COMMD2: variants seen among roughly 807,000 people sequenced by gnomAD.
The protein encoded by COMMD2 is COMM domain-containing protein 2.
COMMD2 carries 25 observed loss-of-function variants against 22.5 expected under a neutral mutation model. The observed-to-expected ratio is 1.11, with a 90% confidence interval of 0.81 to 1.55. The LOEUF is 1.55. COMMD2 is among the 40% of genes most tolerant of loss of function. The probability of loss-of-function intolerance (pLI) is 0.00; values close to 1 mark genes in which losing one functional copy is unlikely to be tolerated. For synonymous variants in COMMD2, 98 were observed against 91.2 expected, an observed-to-expected ratio of 1.07 and a Z score of -0.42; for missense variants, 223 against 232.9, an observed-to-expected ratio of 0.96 and a Z score of 0.28.
intron 4 of COMMD2, among the ~76,000 whole-genome samples, chr3:149,747,708 A>C (rs558119771): frequency 8.5e-4 from 130 of 152,258 alleles, no homozygotes; most frequent in African/African-American, 3.0e-3. Flanking sequence ...AGGCTGAGGC[A>C]GGTGGATCAC....
chr3:149,751,348 A>C, intron 3 of COMMD2, 55 bp downstream of exon 3: 1 of 1,613,220 alleles, frequency 6.2e-7, no homozygotes, highest in Non-Finnish European at 8.5e-7. Flanking sequence ...TGTAGAGTAC[A>C]CCAGACCGTT....
intron 4 of COMMD2, among the ~76,000 whole-genome samples, chr3:149,743,497 A>G (rs1716291577): frequency 6.6e-6 from 1 of 152,232 alleles, no homozygotes; most frequent in Non-Finnish European, 1.5e-5. Flanking sequence ...GATTAATTTA[A>G]TTCTGTAAAA....
At chr3:149,749,989 G>A (rs1464918062) in intron 4 of COMMD2, among the ~76,000 whole-genome samples, 2 of 152,228 alleles carry the variant, frequency 1.3e-5, no homozygotes, top group East Asian at 3.9e-4. Flanking sequence ...GTGTCTCAAA[G>A]CATTTAGCAC....
chr3:149,751,729 C>G (rs779246584), intron 2 of COMMD2: 14 of 339,000 alleles, frequency 4.1e-5, no homozygotes, highest in Non-Finnish European at 7.4e-5. Context: ...GGTGCGTAGC[C>G]CTTCTCTTGA....
chr3:149,744,486 G>A (rs972527562), intron 4 of COMMD2, among the ~76,000 whole-genome samples: 2 of 152,154 alleles, frequency 1.3e-5, no homozygotes, highest in Non-Finnish European at 2.9e-5. Context: ...CTATTAACAA[G>A]GACATCAATT....
rs1716527135 is a variant in COMMD2 at position 149,751,424 on chromosome 3, G to A, written c.207C>T (p.Leu69=). Residue 69 remains leucine (L), a synonymous_variant, in exon 3 of 5, where the codon CTC becomes CTT. Transcript: ENST00000473414. ...TTACCATGAGCTTTGAGCTCTCAGT[G>A]AGGAGATACGTTAATCCTTCCACAC... is the stretch of plus-strand genomic sequence containing the variant. ...QHGVEGLTYL[L]TESSKLMISE... 6.2e-7 allele frequency: 1 copy of A among 1,613,914 alleles called. No homozygotes were observed. The highest frequency in any genetic ancestry group is 1.3e-5 in the African/African-American group (1 of 74,940).
At position 149,741,732 on chromosome 3, in the gene COMMD2, G is replaced by GA; in HGVS notation, c.403-15dup. 6.3e-7 allele frequency: 1 copy of GA among 1,588,552 alleles called. No homozygotes were observed. The highest frequency in any genetic ancestry group is 8.6e-7 in the Non-Finnish European group (1 of 1,157,010). On this transcript the variant is annotated splice_polypyrimidine_tract_variant and intron_variant, in intron 4 of 4. Coordinates refer to ENST00000473414, the MANE Select transcript of COMMD2 (RefSeq NM_016094.4). The stretch of plus-strand genomic sequence containing the variant: ...TCTACTTGCAAGCTTGATTTTAAAT[G>GA]AAATAAGAGCACAGTAACTATTTAA...
chr3:149,743,894 G>C (rs1285831400), intron 4 of COMMD2, among the ~76,000 whole-genome samples: 1 of 152,138 alleles, frequency 6.6e-6, no homozygotes, highest in African/African-American at 2.4e-5. Flanking sequence ...TTTGTTGAAA[G>C]ACTTAAAGCC....
rs1351137745 is a variant in COMMD2, at chr3:149,740,997, G to C, written c.*524C>G. The C allele has an allele frequency of 6.6e-6, 1 of 152,536 alleles. No homozygotes were observed. Among genetic ancestry groups the C allele is most frequent in the Non-Finnish European group, 1.5e-5 (1 of 68,092 alleles). The allele number at this position is 152,536 out of a possible 1,614,324, so 9.4% of individuals were successfully genotyped here. On this transcript the variant is annotated 3_prime_UTR_variant, in exon 5 of 5. Transcript: ENST00000473414. ...ATCTTAATGTGTCAAGAAGACCACAGTTAGCACCAGGAAAGGAACTTTACT... is the reference window on the plus strand; with the variant it reads ...ATCTTAATGTGTCAAGAAGACCACACTTAGCACCAGGAAAGGAACTTTACT...
chr3:149,746,137 T>C (rs1039761102), intron 4 of COMMD2, among the ~76,000 whole-genome samples: 2 of 152,242 alleles, frequency 1.3e-5, no homozygotes, highest in African/African-American at 4.8e-5. Flanking sequence ...AACTGATTAA[T>C]GCCATGAGGG....
chr3:149,752,456 T>A lies in COMMD2; in HGVS notation c.-12A>T. 1 of 1,610,888 alleles carries A rather than the reference T, an allele frequency of 6.2e-7. No homozygotes were observed. The highest frequency in any genetic ancestry group is 1.3e-5 in the African/African-American group (1 of 75,018). On this transcript the variant is annotated 5_prime_UTR_variant, in exon 1 of 5. Coordinates refer to ENST00000473414, the MANE Select transcript of COMMD2 (RefSeq NM_016094.4). Reference sequence around the variant, plus strand: ...AATTCCAGCAGCATCTTCACTGTCCTACGATTTCACCCGGCAGCGCCGACC... The same window carrying A: ...AATTCCAGCAGCATCTTCACTGTCCAACGATTTCACCCGGCAGCGCCGACC...
intron 3 of COMMD2, among the ~76,000 whole-genome samples, chr3:149,751,136 CTCT>C (rs1716517357): frequency 6.6e-6 from 1 of 152,142 alleles, no homozygotes; most frequent in South Asian, 2.1e-4. Context: ...AGTCTCCCTC[CTCT>C]TATGTATCTT....
intron 4 of COMMD2, among the ~76,000 whole-genome samples, chr3:149,747,810 G>A (rs1032821434): frequency 6.6e-6 from 1 of 152,010 alleles, no homozygotes; most frequent in African/African-American, 2.4e-5. Context: ...GGTGGCACAT[G>A]CCTGGAATCC....
chr3:149,749,037 C>T (rs1327952568), intron 4 of COMMD2, among the ~76,000 whole-genome samples: 3 of 148,154 alleles, frequency 2.0e-5, no homozygotes, highest in Non-Finnish European at 3.0e-5. Flanking sequence ...TTTTTTGAGA[C>T]GAAGTCTCCC....
chr3:149,752,189 C>G (rs750251517), intron 2 of COMMD2, 21 bp downstream of exon 2: 5 of 1,609,098 alleles, frequency 3.1e-6, no homozygotes, highest in African/African-American at 1.3e-5. Flanking sequence ...GCCTGCGGAG[C>G]CTTCCCCTTT....
In COMMD2 at chr3:149,750,847, G is replaced by T; in HGVS notation, c.233C>A (p.Ser78Tyr). ...LLTESSKLMISELDFQDSVFV... is the reference protein window; with the variant it reads ...LLTESSKLMIYELDFQDSVFV... The stretch of plus-strand genomic sequence containing the variant: ...AACAGAGTCTTGGAAATCCAGTTCA[G>T]AAATCTAAGTGAATTGAGTTTAAAA... Residue 78 changes from serine (S) to tyrosine (Y), a missense_variant, in exon 4 of 5, where the codon TCT becomes TAT. Ser to Tyr is a moderately radical substitution (Grantham distance 144). Transcript: ENST00000473414. 6.4e-7 allele frequency: 1 copy of T among 1,556,356 alleles called. No homozygotes were observed. Among genetic ancestry groups the T allele is most frequent in the South Asian group, 1.2e-5 (1 of 83,004 alleles).
intron 4 of COMMD2, among the ~76,000 whole-genome samples, chr3:149,746,655 C>T (rs896733768): frequency 2.6e-5 from 4 of 151,766 alleles, no homozygotes; most frequent in Non-Finnish European, 5.9e-5. Flanking sequence ...TGCTGGCACA[C>T]GCCTGTAATC....
Position 149,738,914 on chromosome 3 carries a change from A to G in COMMD2, c.*2607T>C, listed in dbSNP as rs1314354949. 6.6e-6 allele frequency: 1 copy of G among 152,174 alleles called. No homozygotes were observed. The highest frequency in any genetic ancestry group is 1.5e-5 in the Non-Finnish European group (1 of 68,010). 9.4% of individuals were successfully genotyped at this position (152,174 alleles called of 1,614,324 possible). ...AATGTGCCCAATCTCGGAAATATCA[A>G]TAACAAAACAAGCTTGTTGACATTT... On this transcript the variant is annotated 3_prime_UTR_variant, in exon 5 of 5. Transcript: ENST00000473414.
chr3:149,750,099 C>T (rs1289335008), intron 4 of COMMD2, among the ~76,000 whole-genome samples: 3 of 152,148 alleles, frequency 2.0e-5, no homozygotes, highest in Non-Finnish European at 4.4e-5. Flanking sequence ...TACACCCTTT[C>T]GTTTCTGTGA....
Sources: allele counts gnomAD v4.1 joint callset (sites outside exome capture counted in the v4.1 genomes callset), GRCh38; gene constraint gnomAD v4.1.1; transcripts MANE v1.5; gene names NCBI Gene and HGNC (gene_info 2026-07-23, HGNC 2026-07-21).